PRKACB: variants seen among roughly 807,000 people sequenced by gnomAD.
PRKACB encodes the protein protein kinase cAMP-activated catalytic subunit beta, also known as cAMP-dependent protein kinase catalytic subunit beta.
A neutral mutation model predicts 51.4 loss-of-function variants in PRKACB; 16 were observed. The ratio of observed to expected loss-of-function variants is 0.31; its 90% CI spans 0.21 to 0.47. The LOEUF is 0.47. Ranked by LOEUF, PRKACB falls within the 20% of genes least tolerant of loss-of-function variation. PRKACB has a pLI of 1.00. For synonymous variants in PRKACB, 147 were observed against 154.4 expected (o/e 0.95, Z 0.35); for missense variants, 309 against 464.5 (o/e 0.67, Z 3.08).
intron 1 of PRKACB, among the ~76,000 whole-genome samples, chr1:84,165,212 TAATC>T (rs1657000817): frequency 6.6e-6 from 1 of 151,892 alleles, no homozygotes; most frequent in East Asian, 1.9e-4. Context: ...GCACTATTAA[TAATC>T]AATACCAATA....
At chr1:84,201,867 A>G (rs908191629) in intron 7 of PRKACB, among the ~76,000 whole-genome samples, 1 of 152,094 alleles carries the variant, frequency 6.6e-6, no homozygotes, top group Non-Finnish European at 1.5e-5. Context: ...TGAAGATGTT[A>G]TTCTTATTTA....
At position 84,214,303 on chromosome 1, in the gene PRKACB, A is replaced by G. The variant is rs750539574; in HGVS notation, c.1057A>G (p.Ile353Val). The G allele has an allele frequency of 3.3e-5, 52 of 1,592,392 alleles. No homozygotes were observed. The highest frequency in any genetic ancestry group is 4.1e-5 in the Non-Finnish European group (48 of 1,171,852). Residue 353 changes from isoleucine to valine, a missense_variant, in exon 9 of 10, where the codon ATT becomes GTT. By Grantham distance (29) the Ile-to-Val change is conservative. This residue lies in a region of PRKACB where 96 missense variants were observed against 129.9 expected (regional missense o/e 0.74). Coordinates refer to ENST00000370685, the MANE Select transcript of PRKACB (RefSeq NM_182948.4). ...GTTTGCCACGACAGATTGGATTGCT[A>G]TTTACCAGAGGAAGGTGAGACTTTC... The part of the protein sequence containing the change: ...KWFATTDWIA[I>V]YQRKVEAPFI...
At chr1:84,201,490 A>G (rs1412631269) in intron 7 of PRKACB, among the ~76,000 whole-genome samples, 1 of 152,120 alleles carries the variant, frequency 6.6e-6, no homozygotes, top group African/African-American at 2.4e-5. Flanking sequence ...ATATGAATCA[A>G]AAAGTTAAAG....
At chr1:84,195,361 TAA>T (rs752026146) in intron 5 of PRKACB, among the ~76,000 whole-genome samples, 41 of 152,288 alleles carry the variant, frequency 2.7e-4, no homozygotes, top group Non-Finnish European at 5.4e-4. Context: ...AGGCAGCACA[TAA>T]AGTCTTTTGT....
At chr1:84,113,982 A>G (rs760760008) in intron 1 of PRKACB, among the ~76,000 whole-genome samples, 1 of 152,174 alleles carries the variant, frequency 6.6e-6, no homozygotes, top group Non-Finnish European at 1.5e-5. Context: ...AATTTGTGGT[A>G]CATAAGTTAT....
chr1:84,208,710 A>T (rs1317228496), intron 8 of PRKACB, among the ~76,000 whole-genome samples: 2 of 152,238 alleles, frequency 1.3e-5, no homozygotes, highest in Non-Finnish European at 2.9e-5. Flanking sequence ...AGGCTTAAAA[A>T]ATAAAAACTG....
chr1:84,078,477 C>G (rs1452693589), intron 1 of PRKACB: 2 of 1,334,836 alleles, frequency 1.5e-6, no homozygotes, highest in East Asian at 2.5e-5. Context: ...CCAGGCCTAG[C>G]AGCGGCCGCC....
chr1:84,122,845 G>A (rs1212700739), intron 1 of PRKACB, among the ~76,000 whole-genome samples: 1 of 152,120 alleles, frequency 6.6e-6, no homozygotes, highest in African/African-American at 2.4e-5. Flanking sequence ...ATAAAATAAT[G>A]TTATTGCATA....
chr1:84,197,911 T>A, intron 7 of PRKACB, 87 bp downstream of exon 7: 1 of 877,744 alleles, frequency 1.1e-6, no homozygotes, highest in South Asian at 1.7e-5. Context: ...ATTGATCTAA[T>A]TTTACATTTT....
At chr1:84,177,350 A>G (rs1226825465) in intron 1 of PRKACB, among the ~76,000 whole-genome samples, 3 of 152,124 alleles carry the variant, frequency 2.0e-5, no homozygotes, top group Non-Finnish European at 2.9e-5. Context: ...ATGCAAAAAA[A>G]GAAAATCTTA....
chr1:84,141,691 C>T (rs1288388207), upstream of PRKACB, among the ~76,000 whole-genome samples: 1 of 152,050 alleles, frequency 6.6e-6, no homozygotes, highest in East Asian at 1.9e-4. Flanking sequence ...TCTGCAACTT[C>T]TGTACTTGAG....
chr1:84,187,292 G>T (rs1408186603), intron 5 of PRKACB, among the ~76,000 whole-genome samples: 3 of 152,120 alleles, frequency 2.0e-5, no homozygotes, highest in African/African-American at 4.8e-5. Flanking sequence ...GCTTTAGCAG[G>T]TCTCACCAGT....
chr1:84,126,175 T>G (rs1456583347), intron 1 of PRKACB, among the ~76,000 whole-genome samples: 1 of 152,128 alleles, frequency 6.6e-6, no homozygotes, highest in African/African-American at 2.4e-5. Flanking sequence ...ACAGACAACT[T>G]AAGTGTTTAA....
At chr1:84,086,865 G>A (rs1463099314) in intron 1 of PRKACB, among the ~76,000 whole-genome samples, 2 of 152,308 alleles carry the variant, frequency 1.3e-5, no homozygotes, top group East Asian at 1.9e-4. Flanking sequence ...CCTTGACTCT[G>A]TAAGGCTCGA....
chr1:84,200,613 C>T (rs766807325), intron 7 of PRKACB, among the ~76,000 whole-genome samples: 7 of 134,634 alleles, frequency 5.2e-5, no homozygotes, highest in African/African-American at 5.1e-5. Flanking sequence ...TTTTATACTC[C>T]GGGGTTTTGC....
intron 1 of PRKACB, among the ~76,000 whole-genome samples, chr1:84,114,610 T>C (rs1308880370): frequency 6.6e-6 from 1 of 152,198 alleles, no homozygotes; most frequent in African/African-American, 2.4e-5. Flanking sequence ...CTATCAAACA[T>C]TGAATATATT....
chr1:84,231,599 T>G (rs985618507), intron 9 of PRKACB, among the ~76,000 whole-genome samples: 18 of 152,162 alleles, frequency 1.2e-4, no homozygotes, highest in African/African-American at 4.3e-4. Flanking sequence ...CAATTTCAGA[T>G]CCTGTTATTG....
chr1:84,136,264 AAAAG>A lies in PRKACB; in HGVS notation c.47-42906_47-42903del, dbSNP rs577545904. Among the ~76,000 whole-genome samples the A allele has an allele frequency of 4.7e-3, 710 of 152,256 alleles. 3 individuals are homozygous for A. Among genetic ancestry groups the A allele is most frequent in the Middle Eastern group, 6.8e-3 (2 of 294 alleles). On this transcript the variant is annotated intron_variant, in intron 1 of 8. Coordinates refer to the PRKACB transcript ENST00000370688. ...AAAATTATAATTAATAATTTTCAGA[AAAAG>A]AAAGAATCAGGACCAGATGAATTCA...
chr1:84,093,950 G>T (rs997465814), intron 1 of PRKACB, among the ~76,000 whole-genome samples: 1 of 151,824 alleles, frequency 6.6e-6, no homozygotes, highest in Non-Finnish European at 1.5e-5. Context: ...GAAATTTTAT[G>T]CTGACCTATC....
Sources: gnomAD v4.1 joint callset for allele counts (sites outside exome capture counted in the v4.1 genomes callset) on GRCh38, gnomAD v4.1.1 for gene constraint, gnomAD v4.1.1 regional missense constraint, MANE v1.5 for transcripts, NCBI Gene and HGNC (gene_info 2026-07-23, HGNC 2026-07-21) for gene names.